The following SF3B3 variants were observed in gnomAD, a reference collection of about 807,000 sequenced individuals.
The protein encoded by SF3B3 is splicing factor 3b subunit 3, also known as SAP 130.
Under a neutral mutation model 139.2 loss-of-function variants are expected in SF3B3, and 33 were observed. That is an observed-to-expected ratio of 0.24 (90% confidence interval 0.18 to 0.32). The LOEUF (loss-of-function observed/expected upper bound fraction) is 0.32, where lower values mean the gene tolerates loss of function less well. Among genes scored for constraint, SF3B3 ranks in the 10% least tolerant of loss-of-function variants. The pLI is 1.00. For synonymous variants in SF3B3, 596 were observed against 563.6 expected, an observed-to-expected ratio of 1.06 and a Z score of -0.81; for missense variants, 818 against 1,509.4, an observed-to-expected ratio of 0.54 and a Z score of 7.59.
At chr16:70,547,671 G>T (rs2050281386) in intron 10 of SF3B3, among the ~76,000 whole-genome samples, 1 of 152,130 alleles carries the variant, frequency 6.6e-6, no homozygotes, top group African/African-American at 2.4e-5. Context: ...TCAGCTCACC[G>T]CAACCTCCGC....
Position 70,569,066 on chromosome 16 carries a change from T to C in SF3B3, c.3189T>C (p.Asn1063=). The change falls in exon 23 of 26, where the codon AAT becomes AAC. Residue 1063 remains asparagine (N), a synonymous_variant. Coordinates refer to ENST00000302516, the MANE Select transcript of SF3B3 (RefSeq NM_012426.5). The stretch of plus-strand genomic sequence containing the variant: ...AGGTGAGGCTCCCACCTAACACCAA[T>C]GATGAAGTAGATGAGGATCCTACAG... ...ICVVRLPPNT[N]DEVDEDPTGN... is the part of the protein sequence containing the mutation. The C allele has an allele frequency of 1.9e-6, 3 of 1,611,156 alleles. No individual in the cohort carries two copies. Among genetic ancestry groups the C allele is most frequent in the Non-Finnish European group, 2.5e-6 (3 of 1,178,968 alleles).
chr16:70,538,607 T>G, intron 7 of SF3B3, 147 bp downstream of exon 7: 1 of 659,744 alleles, frequency 1.5e-6, no homozygotes, highest in Non-Finnish European at 2.5e-6. Context: ...TCTCTGGTTA[T>G]CAGATTTTTG....
At chr16:70,532,358 A>C in intron 4 of SF3B3, 121 bp from the exon 5 acceptor site, 1 of 519,630 alleles carries the variant, frequency 1.9e-6, no homozygotes, top group Non-Finnish European at 2.8e-6. Context: ...CTGTCTCTCC[A>C]AAAAAAAAAG....
rs1000967632 is a variant in SF3B3, at chr16:70,554,721, CA to C, written c.1554+125del. On this transcript the variant is annotated intron_variant, in intron 12 of 25. Transcript: ENST00000302516. Reference sequence around the variant, plus strand: ...TCCAGCAAGCCTTAGGGGTAGGGAACATATGATTTGGGCACATAATATCCCT... The same window carrying C: ...TCCAGCAAGCCTTAGGGGTAGGGAACTATGATTTGGGCACATAATATCCCT... 1.7e-5 allele frequency: 17 copies of C among 982,428 alleles called. No individual in the cohort carries two copies. In the African/African-American group the frequency reaches 2.6e-4, roughly 15 times the overall value. The allele number at this position is 982,428 out of a possible 1,614,324, so 60.9% of individuals were successfully genotyped here. A position where few individuals can be genotyped will look rare whatever the true frequency, so the allele number is the denominator to read the frequency against.
chr16:70,546,502 A>G (rs1384438816), intron 10 of SF3B3, among the ~76,000 whole-genome samples: 1 of 152,120 alleles, frequency 6.6e-6, no homozygotes, highest in Non-Finnish European at 1.5e-5. Flanking sequence ...AACTACAAAA[A>G]TGAGCCGAGA....
chr16:70,561,455 T>A, intron 16 of SF3B3, 175 bp from the exon 17 acceptor site: 1 of 604,314 alleles, frequency 1.7e-6, no homozygotes, highest in South Asian at 2.1e-5. Context: ...TCACATATGC[T>A]AAGCCATAGT....
At chr16:70,533,965 C>G (rs1194900187) in intron 5 of SF3B3, among the ~76,000 whole-genome samples, 1 of 152,272 alleles carries the variant, frequency 6.6e-6, no homozygotes, top group East Asian at 1.9e-4. Flanking sequence ...GATCTTGGGA[C>G]TTCAGTGGTG....
chr16:70,540,003 C>T (rs1235307109), intron 8 of SF3B3, among the ~76,000 whole-genome samples: 6 of 150,642 alleles, frequency 4.0e-5, no homozygotes, highest in Admixed American at 3.3e-4. Flanking sequence ...CTCGAACTTC[C>T]GACCTCAGGT....
At chr16:70,545,076 T>C (rs1395275392) in intron 10 of SF3B3, among the ~76,000 whole-genome samples, 2 of 152,184 alleles carry the variant, frequency 1.3e-5, no homozygotes, top group Admixed American at 1.3e-4. Context: ...TTTATTCATT[T>C]ATTTTTGAGA....
chr16:70,564,362 A>C (rs75527118), intron 18 of SF3B3, among the ~76,000 whole-genome samples: 2,216 of 152,200 alleles, frequency 0.015, 62 homozygotes, highest in African/African-American at 0.051. Context: ...TGGACACGAG[A>C]CTCTATCAAA....
rs2050453113 is a variant in SF3B3, at chr16:70,564,020, G to A, written c.2433G>A (p.Thr811=). ...ETDHNAYTEA[T]KAQRKQQMAE... The stretch of plus-strand genomic sequence containing the variant: ...ACCACAATGCCTACACTGAGGCCAC[G>A]AAAGCTCAGAGAAAGCAGCAGATGG... Residue 811 remains threonine, a synonymous_variant, in exon 18 of 26, where the codon ACG becomes ACA. Transcript: ENST00000302516. 3 of 1,614,114 alleles carry A rather than the reference G, an allele frequency of 1.9e-6. No homozygotes were observed. The highest frequency in any genetic ancestry group is 2.5e-6 in the Non-Finnish European group (3 of 1,180,016).
At chr16:70,543,383 C>A (rs2050237776) in intron 9 of SF3B3, among the ~76,000 whole-genome samples, 1 of 146,394 alleles carries the variant, frequency 6.8e-6, no homozygotes, top group Non-Finnish European at 1.5e-5. Context: ...GTACTCCAGC[C>A]TGGGTAACGA....
chr16:70,534,164 CTAGT>C (rs1368339501), intron 5 of SF3B3, among the ~76,000 whole-genome samples: 1 of 152,064 alleles, frequency 6.6e-6, no homozygotes, highest in Non-Finnish European at 1.5e-5. Context: ...GATCTGAGGG[CTAGT>C]TAGAAGTTAG....
chr16:70,525,695 G>T (rs1220470770), intron 1 of SF3B3, among the ~76,000 whole-genome samples: 1 of 151,906 alleles, frequency 6.6e-6, no homozygotes, highest in African/African-American at 2.4e-5. Flanking sequence ...GGCTGGGCGC[G>T]GTGGCTCAAC....
At chr16:70,546,812 G>A (rs535158305) in intron 10 of SF3B3, among the ~76,000 whole-genome samples, 4 of 152,190 alleles carry the variant, frequency 2.6e-5, no homozygotes, top group African/African-American at 9.6e-5. Context: ...CAGATCACGA[G>A]GTCAGGAGAT....
At position 70,574,770 on chromosome 16, in the gene SF3B3, G is replaced by A. The variant is rs1374444170; in HGVS notation, c.*2957G>A. 1.3e-5 allele frequency: 2 copies of A among 152,246 alleles called. No individual in the cohort carries two copies. Among genetic ancestry groups the A allele is most frequent in the African/African-American group, 4.8e-5 (2 of 41,470 alleles). The allele number at this position is 152,246 out of a possible 1,614,324, so 9.4% of individuals were successfully genotyped here. A position where few individuals can be genotyped will look rare whatever the true frequency, so the allele number is the denominator to read the frequency against. ...AGCCTACCAAAGTGCTGTGATTACA[G>A]GCGTGAGCCACCATGCCCAGCCTCT... is the stretch of plus-strand genomic sequence containing the variant. On this transcript the variant is annotated 3_prime_UTR_variant, in exon 26 of 26. Coordinates refer to ENST00000302516, the MANE Select transcript of SF3B3 (RefSeq NM_012426.5).
intron 6 of SF3B3, 64 bp downstream of exon 6, chr16:70,535,484 C>T (rs2050157717): frequency 5.8e-6 from 5 of 855,946 alleles, no homozygotes; most frequent in South Asian, 2.0e-5. Flanking sequence ...AGTGTAGTCT[C>T]TTAGTTTGTT....
At chr16:70,536,815 T>C (rs2050173164) in intron 6 of SF3B3, among the ~76,000 whole-genome samples, 1 of 149,180 alleles carries the variant, frequency 6.7e-6, no homozygotes, top group African/African-American at 2.5e-5. Context: ...TTCTTTTTTT[T>C]TTTTTTTTTT....
At chr16:70,566,651 A>T (rs1027752825) in intron 20 of SF3B3, among the ~76,000 whole-genome samples, 1 of 152,210 alleles carries the variant, frequency 6.6e-6, no homozygotes. Context: ...TCTTCTCCAC[A>T]ATGACAGCAT....
Sources: gnomAD v4.1 joint callset for allele counts (sites outside exome capture counted in the v4.1 genomes callset) on GRCh38, gnomAD v4.1.1 for gene constraint, MANE v1.5 for transcripts, NCBI Gene and HGNC (gene_info 2026-07-23, HGNC 2026-07-21) for gene names.